The following OR10G3 variants were observed in gnomAD, a reference collection of about 807,000 sequenced individuals.
OR10G3 encodes the protein olfactory receptor family 10 subfamily G member 3, also known as olfactory receptor 10G3.
Under a neutral mutation model 13.4 loss-of-function variants are expected in OR10G3, and 8 were observed. The ratio of observed to expected loss-of-function variants is 0.60; its 90% CI spans 0.35 to 1.08. The LOEUF (loss-of-function observed/expected upper bound fraction) is 1.08, where lower values mean the gene tolerates loss of function less well. Among genes scored for constraint, OR10G3 ranks in the 50% least tolerant of loss-of-function variants. The pLI, the probability that OR10G3 is intolerant of heterozygous loss-of-function variation, is 0.02. For missense variants in OR10G3, 393 were observed against 386.6 expected, an observed-to-expected ratio of 1.02 and a Z score of -0.14; for synonymous variants, 142 against 156.1, an observed-to-expected ratio of 0.91 and a Z score of 0.67.
intron 1 of OR10G3, among the ~76,000 whole-genome samples, chr14:21,576,191 G>T (rs1439864583): frequency 6.6e-6 from 1 of 152,204 alleles, no homozygotes; most frequent in African/African-American, 2.4e-5. Context: ...GAATCAGGCT[G>T]AGGGAAATCA....
chr14:21,569,589 G>A lies in OR10G3; in HGVS notation c.*214C>T. On this transcript the variant is annotated 3_prime_UTR_variant, in exon 2 of 2. Coordinates refer to ENST00000641040, the MANE Select transcript of OR10G3 (RefSeq NM_001005465.2). ...AATGTGGTTTAGTTTGTGAGAATTT[G>A]GTCTCATTCTCTACTCTTGCAGTGG... 1 of 520,014 alleles carries A rather than the reference G, an allele frequency of 1.9e-6. No individual in the cohort carries two copies. Among genetic ancestry groups the A allele is most frequent in the Non-Finnish European group, 3.4e-6 (1 of 296,240 alleles). The allele number at this position is 520,014 out of a possible 1,614,324, so 32.2% of individuals were successfully genotyped here.
At position 21,570,299 on chromosome 14, in the gene OR10G3, G is replaced by A; in HGVS notation, c.446C>T (p.Ala149Val). ...CCCATGGATGGATCCTGCCATCCAG[G>A]CTCCAGCCACAAGCAAGGCGCTCAG... ...AKLSALLVAGAWMAGSIHGAL... is the reference protein window; with the variant it reads ...AKLSALLVAGVWMAGSIHGAL... The change falls in exon 2 of 2, where the codon GCC becomes GTC. Residue 149 changes from alanine (A) to valine (V), a missense_variant. Ala to Val is a moderately conservative substitution (Grantham distance 64). Coordinates refer to ENST00000641040, the MANE Select transcript of OR10G3 (RefSeq NM_001005465.2). 1 of 1,614,160 alleles carries A rather than the reference G, an allele frequency of 6.2e-7. No individual in the cohort carries two copies. Among genetic ancestry groups the A allele is most frequent in the Non-Finnish European group, 8.5e-7 (1 of 1,180,030 alleles).
intron 1 of OR10G3, among the ~76,000 whole-genome samples, chr14:21,578,333 C>T (rs1049701697): frequency 6.6e-6 from 1 of 152,008 alleles, no homozygotes; most frequent in Non-Finnish European, 1.5e-5. Context: ...GTAGCTTGAA[C>T]CCGGAAGGCA....
Position 21,578,750 on chromosome 14 carries a change from A to G in OR10G3, c.-18+1036T>C, listed in dbSNP as rs559886886. 9.2e-5 allele frequency among the ~76,000 whole-genome samples: 14 copies of G among 152,242 alleles called. No individual in the cohort carries two copies. In the South Asian group the frequency reaches 2.7e-3, roughly 29 times the overall value. On this transcript the variant is annotated intron_variant, in intron 1 of 1. Transcript: ENST00000641040. ...AAAAAGCATTTCAAATATTTGGAAA[A>G]CTAATATAATTAATTTCTTTTTAAA...
chr14:21,577,840 T>G (rs1292363396), intron 1 of OR10G3, among the ~76,000 whole-genome samples: 2 of 152,086 alleles, frequency 1.3e-5, no homozygotes, highest in Non-Finnish European at 2.9e-5. Context: ...CCGTCTCTAC[T>G]AAAAATACAA....
intron 1 of OR10G3, 139 bp from the exon 2 acceptor site, chr14:21,570,900 T>C: frequency 3.3e-6 from 2 of 598,220 alleles, no homozygotes; most frequent in Non-Finnish European, 5.9e-6. Context: ...GGAGAAACAA[T>C]GTTCTCTGGC....
intron 1 of OR10G3, among the ~76,000 whole-genome samples, chr14:21,572,608 C>CAAAAAAAA (rs397852312): frequency 5.9e-3 from 650 of 110,472 alleles, no homozygotes; most frequent in African/African-American, 9.3e-3. Context: ...AACAAACAAA[C>CAAAAAAAA]AAAAAAAAAA....
Position 21,580,038 on chromosome 14 carries a change from G to A in OR10G3, c.-270C>T, listed in dbSNP as rs1380126936. The A allele has an allele frequency of 2.0e-5, 3 of 152,204 alleles. No homozygotes were observed. Among genetic ancestry groups the A allele is most frequent in the Admixed American group, 2.0e-4 (3 of 15,270 alleles). 9.4% of individuals were successfully genotyped at this position (152,204 alleles called of 1,614,324 possible). On this transcript the variant is annotated 5_prime_UTR_variant, in exon 1 of 2. Transcript: ENST00000641040. ...TTCCTTATGAACTGGGGGAGGAGCT[G>A]TGGCTCTTACTGAAGATAACTGTTA...
intron 1 of OR10G3, among the ~76,000 whole-genome samples, chr14:21,576,367 T>G (rs1386988482): frequency 6.6e-6 from 1 of 152,196 alleles, no homozygotes; most frequent in Non-Finnish European, 1.5e-5. Context: ...AGGAATCAAA[T>G]GTGTAATTCT....
intron 1 of OR10G3, among the ~76,000 whole-genome samples, chr14:21,572,328 G>C (rs1447326483): frequency 8.5e-6 from 1 of 118,094 alleles, no homozygotes; most frequent in Non-Finnish European, 1.7e-5. Context: ...GCCAGGTGTG[G>C]TGGCTCACGC....
intron 1 of OR10G3, among the ~76,000 whole-genome samples, chr14:21,573,315 A>C (rs1397223378): frequency 6.6e-6 from 1 of 152,106 alleles, no homozygotes; most frequent in East Asian, 1.9e-4. Context: ...AAAAAAGAGA[A>C]TGGTGGTTAC....
Position 21,576,901 on chromosome 14 carries a change from C to G in OR10G3, c.-18+2885G>C, listed in dbSNP as rs1036518997. Reference sequence around the variant, plus strand: ...AAGAGTGCAGTTTTATTTGTAATACCGAGTATCTTTATTGGGTGTGATTTC... The same window carrying G: ...AAGAGTGCAGTTTTATTTGTAATACGGAGTATCTTTATTGGGTGTGATTTC... On this transcript the variant is annotated intron_variant, in intron 1 of 1. Coordinates refer to ENST00000641040, the MANE Select transcript of OR10G3 (RefSeq NM_001005465.2). 2.0e-5 allele frequency among the ~76,000 whole-genome samples: 3 copies of G among 151,346 alleles called. No homozygotes were observed. The East Asian group carries it at 5.9e-4, about 30-fold the overall frequency.
At chr14:21,571,635 T>C (rs1007646458) in intron 1 of OR10G3, among the ~76,000 whole-genome samples, 19 of 151,732 alleles carry the variant, frequency 1.3e-4, no homozygotes, top group Non-Finnish European at 2.4e-4. Context: ...ACTCTCAGTG[T>C]GGAAGAATTA....
At position 21,570,531 on chromosome 14, in the gene OR10G3, T is replaced by C; in HGVS notation, c.214A>G (p.Met72Val). The C allele has an allele frequency of 6.2e-7, 1 of 1,614,142 alleles. No individual in the cohort carries two copies. The highest frequency in any genetic ancestry group is 1.7e-5 in the Admixed American group (1 of 60,012). The change falls in exon 2 of 2, where the codon ATG becomes GTG. Residue 72 changes from methionine to valine, a missense_variant. Transcript: ENST00000641040. ...GGGACAATGATGGAGGAGATGCTCA[T>C]ATCAATGACTGAGAGAACACCAAGA... ...IFLGVLSVID[M>V]SISSIIVPRL...
Position 21,570,141 on chromosome 14 carries a change from CA to C in OR10G3, c.603del (p.Phe201LeufsTer2). 1 of 1,614,236 alleles carries C rather than the reference CA, an allele frequency of 6.2e-7. No individual in the cohort carries two copies. Among genetic ancestry groups the C allele is most frequent in the Non-Finnish European group, 8.5e-7 (1 of 1,180,044 alleles). ...ADTTVNELVT[F>X]VDIGVVVASC... is the part of the protein sequence containing the mutation. ...CTGGCAACCACCACCCCAATGTCTACAAACGTCACCAGCTCGTTGACTGTTG... is the reference window on the plus strand; with the variant it reads ...CTGGCAACCACCACCCCAATGTCTACAACGTCACCAGCTCGTTGACTGTTG... On this transcript the variant is annotated frameshift_variant, in exon 2 of 2. Coordinates refer to ENST00000641040, the MANE Select transcript of OR10G3 (RefSeq NM_001005465.2). LOFTEE classifies it high-confidence loss of function.
At position 21,569,111 on chromosome 14, in the gene OR10G3, T is replaced by C. The variant is rs532852510; in HGVS notation, c.*692A>G. 19 of 152,400 alleles carry C rather than the reference T, an allele frequency of 1.2e-4. No individual in the cohort carries two copies. Among genetic ancestry groups the C allele is most frequent in the African/African-American group, 4.3e-4 (18 of 41,476 alleles). 9.4% of individuals were successfully genotyped at this position (152,400 alleles called of 1,614,324 possible). ...CTCACATGGTCACAAGGTCCCACAA[T>C]AGGCCATCTGCAGGCTGAGGAGCAA... On this transcript the variant is annotated 3_prime_UTR_variant, in exon 2 of 2. Coordinates refer to ENST00000641040, the MANE Select transcript of OR10G3 (RefSeq NM_001005465.2).
At position 21,569,493 on chromosome 14, in the gene OR10G3, T is replaced by G; in HGVS notation, c.*310A>C. The G allele has an allele frequency of 7.9e-6, 2 of 253,366 alleles. No homozygotes were observed. Among genetic ancestry groups the G allele is most frequent in the African/African-American group, 2.3e-5 (1 of 43,718 alleles). The allele number at this position is 253,366 out of a possible 1,614,324, so 15.7% of individuals were successfully genotyped here. On this transcript the variant is annotated 3_prime_UTR_variant, in exon 2 of 2. Transcript: ENST00000641040. Reference sequence around the variant, plus strand: ...GGGAAATATCATATTGAACTCTACGTTTTGGTGTGGGAGAATTTATTACTG... The same window carrying G: ...GGGAAATATCATATTGAACTCTACGGTTTGGTGTGGGAGAATTTATTACTG...
chr14:21,576,876 AAG>A (rs2139714601), intron 1 of OR10G3, among the ~76,000 whole-genome samples: 1 of 152,350 alleles, frequency 6.6e-6, no homozygotes, highest in South Asian at 2.1e-4. Context: ...AATGAGAGGA[AAG>A]AGTGCAGTTT....
chr14:21,572,887 T>C (rs1297163736), intron 1 of OR10G3, among the ~76,000 whole-genome samples: 1 of 152,218 alleles, frequency 6.6e-6, no homozygotes, highest in Non-Finnish European at 1.5e-5. Flanking sequence ...TCTGTGTGTG[T>C]GCAAGACTGC....
Sources: allele counts gnomAD v4.1 joint callset (sites outside exome capture counted in the v4.1 genomes callset), GRCh38; gene constraint gnomAD v4.1.1; transcripts MANE v1.5; gene names NCBI Gene and HGNC (gene_info 2026-07-23, HGNC 2026-07-21).